The following SPRED2 variants were observed in gnomAD, a reference collection of about 807,000 sequenced individuals.
The protein encoded by SPRED2 is sprouty related EVH1 domain containing 2.
A neutral mutation model predicts 43.0 loss-of-function variants in SPRED2; 47 were observed. That is an observed-to-expected ratio of 1.09 (90% confidence interval 0.87 to 1.40). SPRED2 has a LOEUF of 1.40. SPRED2 is among the 40% of genes most tolerant of loss of function. SPRED2 has a pLI of 0.00. For missense variants in SPRED2, 561 were observed against 586.4 expected, an observed-to-expected ratio of 0.96 and a Z score of 0.45; for synonymous variants, 225 against 225.7, an observed-to-expected ratio of 1.00 and a Z score of 0.03.
At position 65,375,689 on chromosome 2, in the gene SPRED2, C is replaced by T. The variant is rs1045394688; in HGVS notation, c.27-30793G>A. On this transcript the variant is annotated intron_variant, in intron 1 of 5. Transcript: ENST00000356388. ...AGAAAAGGTACATTTGTGGCAGAGCCGAGAATAGATCCCAAGTGTCCTTGA... is the reference window on the plus strand; with the variant it reads ...AGAAAAGGTACATTTGTGGCAGAGCTGAGAATAGATCCCAAGTGTCCTTGA... 1.1e-4 allele frequency among the ~76,000 whole-genome samples: 16 copies of T among 152,250 alleles called. 1 individual carries two copies. In the South Asian group the frequency reaches 1.5e-3, roughly 14 times the overall value.
At chr2:65,430,891 G>A (rs1222463125) in intron 1 of SPRED2, among the ~76,000 whole-genome samples, 2 of 151,996 alleles carry the variant, frequency 1.3e-5, no homozygotes, top group South Asian at 2.1e-4. Flanking sequence ...GGCTGGTGGC[G>A]GGCACAGCCA....
At chr2:65,389,425 T>C (rs181038968) in intron 1 of SPRED2, among the ~76,000 whole-genome samples, 4 of 152,264 alleles carry the variant, frequency 2.6e-5, no homozygotes, top group Non-Finnish European at 5.9e-5. Flanking sequence ...ACACCCACTT[T>C]TGAGAAACAT....
At chr2:65,316,204 A>G (rs888170775) in intron 5 of SPRED2, among the ~76,000 whole-genome samples, 2 of 152,232 alleles carry the variant, frequency 1.3e-5, no homozygotes, top group African/African-American at 4.8e-5. Flanking sequence ...TATTTGTTGA[A>G]CTACCGAATT....
At chr2:65,401,716 C>T (rs1190043488) in intron 1 of SPRED2, among the ~76,000 whole-genome samples, 1 of 151,946 alleles carries the variant, frequency 6.6e-6, no homozygotes, top group Non-Finnish European at 1.5e-5. Flanking sequence ...AGGAGAATGG[C>T]ATGAACCCAG....
intron 1 of SPRED2, among the ~76,000 whole-genome samples, chr2:65,425,202 A>C (rs1164577258): frequency 1.3e-5 from 2 of 152,244 alleles, no homozygotes; most frequent in Non-Finnish European, 2.9e-5. Flanking sequence ...ACCACAGGAA[A>C]TATATCAAAG....
chr2:65,386,539 T>C lies in SPRED2; in HGVS notation c.27-41643A>G, dbSNP rs1675506815. On this transcript the variant is annotated intron_variant, in intron 1 of 5. Transcript: ENST00000356388. ...ATATTGTGTATCTCCCCCTTAAGAATGTAAGGTCACTTCTGATTATGCAAC... is the reference window on the plus strand; with the variant it reads ...ATATTGTGTATCTCCCCCTTAAGAACGTAAGGTCACTTCTGATTATGCAAC... 2.6e-5 allele frequency among the ~76,000 whole-genome samples: 4 copies of C among 152,352 alleles called. No homozygotes were observed. In the South Asian group the frequency reaches 8.3e-4, roughly 32 times the overall value.
Position 65,401,933 on chromosome 2 carries a change from GCGCGCACACA to G in SPRED2, c.26+30019_26+30028del, listed in dbSNP as rs1347841652. 9.7e-3 allele frequency among the ~76,000 whole-genome samples: 813 copies of G among 83,822 alleles called. 4 individuals are homozygous for G. Among genetic ancestry groups the G allele is most frequent in the Middle Eastern group, 0.052 (9 of 172 alleles). The allele number at this position is 83,822 out of a possible 152,430, so 55.0% of individuals were successfully genotyped here. On this transcript the variant is annotated intron_variant, in intron 1 of 5. Coordinates refer to ENST00000356388, the MANE Select transcript of SPRED2 (RefSeq NM_181784.3). ...TAAAACGATCAGAATATTAGCGCGC[GCGCGCACACA>G]CACACACACACACACACACACACAC...
In SPRED2 at chr2:65,375,690, G is replaced by A. The variant is rs180736508; in HGVS notation, c.27-30794C>T. On this transcript the variant is annotated intron_variant, in intron 1 of 5. Transcript: ENST00000356388. ...GAAAAGGTACATTTGTGGCAGAGCC[G>A]AGAATAGATCCCAAGTGTCCTTGAA... Among the ~76,000 whole-genome samples, 34 of 152,290 alleles carry A rather than the reference G, an allele frequency of 2.2e-4. 1 individual carries two copies. Among genetic ancestry groups the A allele is most frequent in the African/African-American group, 7.0e-4 (29 of 41,576 alleles).
At chr2:65,430,733 C>G (rs1676659877) in intron 1 of SPRED2, among the ~76,000 whole-genome samples, 1 of 152,262 alleles carries the variant, frequency 6.6e-6, no homozygotes, top group Non-Finnish European at 1.5e-5. Flanking sequence ...TCTTTGCGCC[C>G]AAGCCCGCGC....
In SPRED2 at chr2:65,366,641, T is replaced by C; in HGVS notation, c.27-21745A>G. Reference sequence around the variant, plus strand: ...ATTGTGGAGCCCGAGTGCTGGGTATTAGCATTATTGCTACTATAAAGCTTC... The same window carrying C: ...ATTGTGGAGCCCGAGTGCTGGGTATCAGCATTATTGCTACTATAAAGCTTC... On this transcript the variant is annotated intron_variant, in intron 1 of 5. Coordinates refer to ENST00000356388, the MANE Select transcript of SPRED2 (RefSeq NM_181784.3). 3.9e-6 allele frequency: 6 copies of C among 1,551,810 alleles called. 1 individual carries two copies. In the South Asian group the frequency reaches 7.1e-5, roughly 18 times the overall value.
At chr2:65,375,644 T>G (rs552969154) in intron 1 of SPRED2, among the ~76,000 whole-genome samples, 1 of 152,136 alleles carries the variant, frequency 6.6e-6, no homozygotes, top group African/African-American at 2.4e-5. Flanking sequence ...CTAATAGTAA[T>G]GCACAAACCA....
intron 1 of SPRED2, chr2:65,377,509 ACT>A: frequency 2.2e-6 from 1 of 460,366 alleles, no homozygotes; most frequent in African/African-American, 2.0e-5. Context: ...GCAGCGTCTG[ACT>A]CTAAGAAATT....
chr2:65,406,124 C>T (rs1287847464), intron 1 of SPRED2, among the ~76,000 whole-genome samples: 1 of 152,170 alleles, frequency 6.6e-6, no homozygotes, highest in Non-Finnish European at 1.5e-5. Flanking sequence ...TTGGTGATGA[C>T]ACTTCTTTGG....
At chr2:65,429,907 C>T (rs7569113) in intron 1 of SPRED2, among the ~76,000 whole-genome samples, 73,878 of 152,006 alleles carry the variant, frequency 0.49, 20,141 homozygotes, top group African/African-American at 0.75. Context: ...ATTCTTTCCT[C>T]GCTGGTGATC....
intron 1 of SPRED2, among the ~76,000 whole-genome samples, chr2:65,406,908 G>A (rs1440734722): frequency 1.3e-5 from 2 of 151,974 alleles, no homozygotes; most frequent in Non-Finnish European, 2.9e-5. Flanking sequence ...CCAAGTTACT[G>A]GACAGTGGAA....
At chr2:65,342,214 TTG>T (rs1674207706) in intron 2 of SPRED2, among the ~76,000 whole-genome samples, 14 of 147,710 alleles carry the variant, frequency 9.5e-5, no homozygotes, top group African/African-American at 3.5e-4. Context: ...TATGTATATT[TTG>T]TATACGTATA....
At chr2:65,398,561 G>A (rs575889365) in intron 1 of SPRED2, among the ~76,000 whole-genome samples, 13 of 152,060 alleles carry the variant, frequency 8.5e-5, no homozygotes, top group Middle Eastern at 3.4e-3. Flanking sequence ...GGCTAAGGAC[G>A]TGAATGAACA....
chr2:65,321,087 G>A lies in SPRED2; in HGVS notation c.439-4204C>T, dbSNP rs375146708. Among the ~76,000 whole-genome samples the A allele has an allele frequency of 3.5e-4, 53 of 152,296 alleles. 2 individuals carry two copies. In the South Asian group the frequency reaches 9.9e-3, roughly 29 times the overall value. On this transcript the variant is annotated intron_variant, in intron 4 of 5. Coordinates refer to ENST00000356388, the MANE Select transcript of SPRED2 (RefSeq NM_181784.3). The stretch of plus-strand genomic sequence containing the variant: ...GCTCTCCAGTGGGGGTCTAAGAACT[G>A]TTAGGGCTTTGAAGAACAAAAGCAG...
intron 1 of SPRED2, among the ~76,000 whole-genome samples, chr2:65,378,931 CAAGGGT>C (rs1675307707): frequency 6.6e-6 from 1 of 152,120 alleles, no homozygotes; most frequent in Admixed American, 6.5e-5. Context: ...AGGAAGATAT[CAAGGGT>C]AAGCGAATGA....
Sources: gnomAD v4.1 joint callset for allele counts (sites outside exome capture counted in the v4.1 genomes callset) on GRCh38, gnomAD v4.1.1 for gene constraint, MANE v1.5 for transcripts, NCBI Gene and HGNC (gene_info 2026-07-23, HGNC 2026-07-21) for gene names.